ENDOV: variants seen among roughly 807,000 people sequenced by gnomAD.
ENDOV encodes the protein endonuclease V.
A neutral mutation model predicts 39.4 loss-of-function variants in ENDOV; 37 were observed. That is an observed-to-expected ratio of 0.94 (90% CI 0.72 to 1.23). ENDOV has a LOEUF of 1.23. ENDOV is among the 50% of genes most tolerant of loss of function. ENDOV has a pLI of 0.00. For synonymous variants in ENDOV, 186 were observed against 163.4 expected (o/e 1.14, Z -1.05); for missense variants, 441 against 375.7 (o/e 1.17, Z -1.44).
chr17:80,430,501 G>T, intron 9 of ENDOV: 2 of 706,562 alleles, frequency 2.8e-6, no homozygotes, highest in Admixed American at 3.0e-5. Context: ...CCTGACACGG[G>T]AGGGGTCCTA....
In ENDOV at chr17:80,421,900, G is replaced by C. The variant is rs765241901; in HGVS notation, c.301G>C (p.Val101Leu). The C allele has an allele frequency of 6.2e-7, 1 of 1,610,790 alleles. No individual in the cohort carries two copies. The highest frequency in any genetic ancestry group is 1.7e-5 in the Admixed American group (1 of 59,772). The change falls in exon 3 of 10, where the codon GTG becomes CTG. Residue 101 changes from valine to leucine, a missense_variant. Val to Leu is a conservative substitution (Grantham distance 32, BLOSUM62 1). Coordinates refer to ENST00000518137, the MANE Select transcript of ENDOV (RefSeq NM_173627.5). ...YVSGFLAFREVPFLLELVQQL... is the reference protein window; with the variant it reads ...YVSGFLAFRELPFLLELVQQL... ...GTCGGGCTTCCTGGCCTTCCGAGAG[G>C]TGCCCTTCTTGCTGGAGCTGGTGCA...
At chr17:80,432,198 G>T (rs558424745) in intron 9 of ENDOV, among the ~76,000 whole-genome samples, 1 of 152,150 alleles carries the variant, frequency 6.6e-6, no homozygotes, top group Admixed American at 6.5e-5. Context: ...AGCTTTGGGG[G>T]TTAAAGGTGG....
chr17:80,416,816 C>G (rs2081274373), intron 2 of ENDOV: 1 of 151,516 alleles, frequency 6.6e-6, no homozygotes, highest in Non-Finnish European at 1.5e-5. Context: ...GTGGCATAAT[C>G]TTGGCTCACT....
At chr17:80,429,113 T>C (rs1396146338) in intron 8 of ENDOV, among the ~76,000 whole-genome samples, 1 of 152,208 alleles carries the variant, frequency 6.6e-6, no homozygotes, top group Non-Finnish European at 1.5e-5. Context: ...GTAATTCTTG[T>C]CCCACTGGTT....
rs756681501 is a variant in ENDOV, at chr17:80,436,621, A to G, written c.*478A>G. ...TTTGTGGAATACATCTAACTCGGTC[A>G]TGGTGTATAATCCATTTACTCTGCT... is the stretch of plus-strand genomic sequence containing the variant. On this transcript the variant is annotated 3_prime_UTR_variant, in exon 10 of 10. Transcript: ENST00000518137. 1.9e-5 allele frequency: 5 copies of G among 259,320 alleles called. No homozygotes were observed. Among genetic ancestry groups the G allele is most frequent in the Admixed American group, 1.0e-4 (2 of 19,422 alleles). The allele number at this position is 259,320 out of a possible 1,614,324, so 16.1% of individuals were successfully genotyped here.
In ENDOV at chr17:80,422,190, C is replaced by A; in HGVS notation, c.364-16C>A. The A allele has an allele frequency of 6.2e-7, 1 of 1,613,608 alleles. No individual in the cohort carries two copies. Among genetic ancestry groups the A allele is most frequent in the Non-Finnish European group, 8.5e-7 (1 of 1,179,784 alleles). On this transcript the variant is annotated splice_polypyrimidine_tract_variant and intron_variant, in intron 3 of 9. Coordinates refer to ENST00000518137, the MANE Select transcript of ENDOV (RefSeq NM_173627.5). ...GGGCAGCTCAGCTGACTGTGACTCT[C>A]CCTGTGGCTCCATAGGTCCTTCTTG... is the stretch of plus-strand genomic sequence containing the variant.
intron 9 of ENDOV, chr17:80,430,150 G>A (rs765818795): frequency 5.7e-5 from 87 of 1,513,116 alleles, no homozygotes; most frequent in South Asian, 3.5e-4. Flanking sequence ...TCTTTGCTCC[G>A]TCATCGGCTG....
chr17:80,436,015 C>G (rs7219258), intron 9 of ENDOV, 118 bp from the exon 10 acceptor site: 27,208 of 1,164,772 alleles, frequency 0.023, 384 homozygotes, highest in Middle Eastern at 0.047. Flanking sequence ...TCGGCCTCCC[C>G]AAGTGCTGAG....
intron 1 of ENDOV, 157 bp downstream of exon 1, chr17:80,415,407 T>C: frequency 9.4e-7 from 1 of 1,069,234 alleles, no homozygotes; most frequent in Non-Finnish European, 1.3e-6. Flanking sequence ...CGGAGGGATC[T>C]CAGGAATTGT....
chr17:80,427,558 C>A, intron 7 of ENDOV: 1 of 1,066,570 alleles, frequency 9.4e-7, no homozygotes, highest in Non-Finnish European at 1.1e-6. Context: ...CCACCCCGTA[C>A]CAGGAGCCCG....
chr17:80,423,740 C>A, intron 5 of ENDOV, 108 bp downstream of exon 5: 1 of 1,007,798 alleles, frequency 9.9e-7, no homozygotes, highest in South Asian at 1.6e-5. Context: ...TGACGCTGCC[C>A]TCCTCATCCC....
At chr17:80,424,149 C>T in intron 5 of ENDOV, 1 of 399,482 alleles carries the variant, frequency 2.5e-6, no homozygotes, top group Non-Finnish European at 4.4e-6. Context: ...GAGACACTCA[C>T]AATGGAGGGA....
chr17:80,430,188 G>C, intron 9 of ENDOV: 2 of 1,482,596 alleles, frequency 1.3e-6, no homozygotes, highest in Non-Finnish European at 1.8e-6. Flanking sequence ...TGCCTCAGAG[G>C]ACAGATCTCT....
intron 7 of ENDOV, among the ~76,000 whole-genome samples, chr17:80,426,641 A>G (rs942465489): frequency 7.2e-5 from 11 of 152,116 alleles, no homozygotes; most frequent in African/African-American, 2.4e-4. Context: ...ACAGAGCAAG[A>G]CCTTATCTCA....
intron 2 of ENDOV, chr17:80,416,183 G>C (rs904160376): frequency 6.1e-6 from 1 of 162,664 alleles, no homozygotes; most frequent in Non-Finnish European, 1.2e-5. Context: ...GTTGCGGTGA[G>C]CCAACATCAC....
At chr17:80,431,297 C>G (rs2083312398) in intron 9 of ENDOV, among the ~76,000 whole-genome samples, 1 of 152,218 alleles carries the variant, frequency 6.6e-6, no homozygotes, top group Non-Finnish European at 1.5e-5. Flanking sequence ...CCCCACCCGC[C>G]TGCGCTCACT....
chr17:80,416,108 A>AT, intron 2 of ENDOV: 2 of 298,906 alleles, frequency 6.7e-6, no homozygotes, highest in Non-Finnish European at 1.3e-5. Flanking sequence ...GTGGTGGCAT[A>AT]TACCTGTAAT....
chr17:80,428,753 A>G, intron 8 of ENDOV, 93 bp downstream of exon 8: 2 of 1,273,440 alleles, frequency 1.6e-6, no homozygotes, highest in Non-Finnish European at 2.2e-6. Flanking sequence ...TTGTTGCAAT[A>G]TTGTGGCTCA....
At chr17:80,434,360 G>A (rs1421528885) in intron 9 of ENDOV, among the ~76,000 whole-genome samples, 3 of 152,134 alleles carry the variant, frequency 2.0e-5, no homozygotes, top group Non-Finnish European at 4.4e-5. Flanking sequence ...TGGATATTTG[G>A]GTTTTTTCCA....
Sources: gnomAD v4.1 joint callset for allele counts (sites outside exome capture counted in the v4.1 genomes callset) on GRCh38, gnomAD v4.1.1 for gene constraint, MANE v1.5 for transcripts, NCBI Gene and HGNC (gene_info 2026-07-23, HGNC 2026-07-21) for gene names.